Variants in ARHGAP42 observed in about 807,000 individuals in gnomAD.
ARHGAP42 encodes Rho GTPase activating protein 42, also known as rho GTPase-activating protein 42.
A neutral mutation model predicts 125.0 loss-of-function variants in ARHGAP42; 63 were observed. The ratio of observed to expected loss-of-function variants is 0.50; its 90% CI spans 0.41 to 0.62. ARHGAP42 has a LOEUF of 0.62. Among genes scored for constraint, ARHGAP42 ranks in the 20% least tolerant of loss-of-function variants. The pLI is 0.00. For missense variants in ARHGAP42, 766 were observed against 1,024.2 expected, an observed-to-expected ratio of 0.75 and a Z score of 3.44; for synonymous variants, 339 against 351.0, an observed-to-expected ratio of 0.97 and a Z score of 0.38.
At chr11:100,847,252 C>T (rs1321793803) in intron 3 of ARHGAP42, among the ~76,000 whole-genome samples, 2 of 152,158 alleles carry the variant, frequency 1.3e-5, no homozygotes, top group Admixed American at 1.3e-4. Context: ...AGTAATGAAT[C>T]TCCAGTTGGC....
chr11:100,901,538 G>C (rs1012015106), intron 4 of ARHGAP42, among the ~76,000 whole-genome samples: 6 of 152,218 alleles, frequency 3.9e-5, no homozygotes, highest in Admixed American at 1.3e-4. Context: ...TATGGAGGCA[G>C]TAGACCTTGG....
chr11:100,777,001 A>C (rs899569487), intron 2 of ARHGAP42, among the ~76,000 whole-genome samples: 5 of 145,270 alleles, frequency 3.4e-5, no homozygotes, highest in African/African-American at 1.3e-4. Flanking sequence ...AAAAAAAAAA[A>C]CACGAAGAGC....
At chr11:100,807,748 C>A (rs1303049352) in intron 3 of ARHGAP42, among the ~76,000 whole-genome samples, 1 of 152,212 alleles carries the variant, frequency 6.6e-6, no homozygotes, top group East Asian at 1.9e-4. Flanking sequence ...TTTCATTTTC[C>A]TGCCTTTGGC....
chr11:100,816,716 C>T (rs1459127851), intron 3 of ARHGAP42: 2 of 152,020 alleles, frequency 1.3e-5, no homozygotes, highest in African/African-American at 4.8e-5. Context: ...TCTTTTCAGG[C>T]AATGTTTTAA....
intron 4 of ARHGAP42, among the ~76,000 whole-genome samples, chr11:100,871,683 A>C (rs904650397): frequency 6.6e-6 from 1 of 152,234 alleles, no homozygotes; most frequent in African/African-American, 2.4e-5. Context: ...ACGTTTGTCA[A>C]AGCTGCCAGG....
chr11:100,887,958 C>G (rs1184944838), intron 4 of ARHGAP42, among the ~76,000 whole-genome samples: 1 of 152,236 alleles, frequency 6.6e-6, no homozygotes, highest in Admixed American at 6.5e-5. Flanking sequence ...ATCTCTACCT[C>G]TATCCAATCC....
intron 19 of ARHGAP42, among the ~76,000 whole-genome samples, chr11:100,974,990 A>G (rs888750848): frequency 6.6e-6 from 1 of 152,118 alleles, no homozygotes; most frequent in Non-Finnish European, 1.5e-5. Context: ...TCTCTTGGGT[A>G]TCAGTGTCTG....
intron 22 of ARHGAP42, among the ~76,000 whole-genome samples, chr11:100,979,825 C>T (rs184032613): frequency 2.0e-5 from 3 of 152,126 alleles, no homozygotes; most frequent in African/African-American, 7.2e-5. Flanking sequence ...TGTACGAACA[C>T]ATTTTTGAGC....
At chr11:100,770,288 T>G (rs577969863) in intron 1 of ARHGAP42, 55 bp from the exon 2 acceptor site, 1 of 1,192,276 alleles carries the variant, frequency 8.4e-7, no homozygotes, top group South Asian at 1.6e-5. Context: ...TGGAAACTCA[T>G]TCGGATTCAG....
chr11:100,908,068 T>A (rs1396613386), intron 4 of ARHGAP42, among the ~76,000 whole-genome samples: 1 of 152,210 alleles, frequency 6.6e-6, no homozygotes, highest in East Asian at 1.9e-4. Flanking sequence ...AATGATAGGT[T>A]CTTTTACTAC....
At chr11:100,749,264 A>G (rs1297447159) in intron 1 of ARHGAP42, among the ~76,000 whole-genome samples, 1 of 152,094 alleles carries the variant, frequency 6.6e-6, no homozygotes, top group Admixed American at 6.5e-5. Context: ...CTGTCCTGGA[A>G]GGCTCAACCT....
At position 100,959,868 on chromosome 11, in the gene ARHGAP42, C is replaced by A. The variant is rs1319670422; in HGVS notation, c.1163-15C>A. The A allele has an allele frequency of 1.3e-6, 2 of 1,550,764 alleles. No individual in the cohort carries two copies. Among genetic ancestry groups the A allele is most frequent in the Non-Finnish European group, 8.7e-7 (1 of 1,146,068 alleles). On this transcript the variant is annotated splice_polypyrimidine_tract_variant and intron_variant, in intron 12 of 23. Coordinates refer to ENST00000298815, the MANE Select transcript of ARHGAP42 (RefSeq NM_152432.4). ...TCAGCGTAAACACCTAATGCGATTT[C>A]TCTCTTATTTTCAGTGTATTTGAAT...
chr11:100,880,207 G>A (rs1746716129), intron 4 of ARHGAP42, among the ~76,000 whole-genome samples: 1 of 152,130 alleles, frequency 6.6e-6, no homozygotes, highest in South Asian at 2.1e-4. Context: ...CATCACCCAA[G>A]CAGTATACAC....
At position 100,941,835 on chromosome 11, in the gene ARHGAP42, G is replaced by A; in HGVS notation, c.884G>A (p.Ser295Asn). ...CATTATTGTACATATGATAAGGGAA[G>A]TAAAACATTTACAATGAGTGTTTCA... ...IKHYCTYDKGSKTFTMSVSEM... is the reference protein window; with the variant it reads ...IKHYCTYDKGNKTFTMSVSEM... The change falls in exon 9 of 24, where the codon AGT becomes AAT. Residue 295 changes from serine to asparagine, a missense_variant. By Grantham distance (46) the Ser-to-Asn change is conservative. Transcript: ENST00000298815. 2 of 1,539,612 alleles carry A rather than the reference G, an allele frequency of 1.3e-6. No homozygotes were observed. Among genetic ancestry groups the A allele is most frequent in the Non-Finnish European group, 1.7e-6 (2 of 1,143,264 alleles).
chr11:100,893,455 G>A (rs1943500), intron 4 of ARHGAP42, among the ~76,000 whole-genome samples: 44,305 of 151,802 alleles, frequency 0.29, 7,809 homozygotes, highest in East Asian at 0.75. Flanking sequence ...ATTTTTCTTT[G>A]TATTTATTTT....
At chr11:100,826,986 T>C (rs570985910) in intron 3 of ARHGAP42, among the ~76,000 whole-genome samples, 9 of 151,172 alleles carry the variant, frequency 6.0e-5, no homozygotes, top group African/African-American at 1.9e-4. Context: ...GTGAATTTTG[T>C]TGTGAGCCTT....
intron 4 of ARHGAP42, among the ~76,000 whole-genome samples, chr11:100,891,350 C>G (rs1021686781): frequency 6.6e-6 from 1 of 151,928 alleles, no homozygotes; most frequent in Admixed American, 6.6e-5. Flanking sequence ...ACATTTATTA[C>G]CCGTCTGCAT....
chr11:100,804,802 G>A (rs1426510880), intron 3 of ARHGAP42, among the ~76,000 whole-genome samples: 2 of 152,128 alleles, frequency 1.3e-5, no homozygotes, highest in African/African-American at 2.4e-5. Context: ...GTGAGCCACC[G>A]TACCTGGCCT....
chr11:100,731,793 A>G (rs957399114), intron 1 of ARHGAP42, among the ~76,000 whole-genome samples: 2 of 152,068 alleles, frequency 1.3e-5, no homozygotes, highest in African/African-American at 4.8e-5. Flanking sequence ...GTTAATGACT[A>G]TTGTATTTCC....
Sources: gnomAD v4.1 joint callset for allele counts (sites outside exome capture counted in the v4.1 genomes callset) on GRCh38, gnomAD v4.1.1 for gene constraint, MANE v1.5 for transcripts, NCBI Gene and HGNC (gene_info 2026-07-23, HGNC 2026-07-21) for gene names.